The following SLAIN2 variants were observed in gnomAD, a reference collection of about 807,000 sequenced individuals.
SLAIN2 encodes SLAIN family member 2.
Under a neutral mutation model 56.6 loss-of-function variants are expected in SLAIN2, and 31 were observed. The ratio of observed to expected loss-of-function variants is 0.55; its 90% CI spans 0.41 to 0.74. SLAIN2 has a LOEUF of 0.74. Ranked by LOEUF, SLAIN2 falls within the 30% of genes least tolerant of loss-of-function variation. SLAIN2 has a pLI of 0.00. For missense variants in SLAIN2, 777 were observed against 754.2 expected, an observed-to-expected ratio of 1.03 and a Z score of -0.35; for synonymous variants, 317 against 284.9, an observed-to-expected ratio of 1.11 and a Z score of -1.13.
intron 5 of SLAIN2, 82 bp downstream of exon 5, chr4:48,383,009 A>G: frequency 2.1e-6 from 3 of 1,412,602 alleles, no homozygotes; most frequent in Non-Finnish European, 2.8e-6. Flanking sequence ...TAGGAAAAAA[A>G]TTTTCAAAAT....
intron 6 of SLAIN2, among the ~76,000 whole-genome samples, chr4:48,406,269 A>G (rs1190204714): frequency 2.6e-5 from 4 of 152,202 alleles, no homozygotes; most frequent in Non-Finnish European, 5.9e-5. Context: ...TTTAGTTACT[A>G]GAGCTAGGAA....
chr4:48,405,638 T>C (rs1716674006), intron 6 of SLAIN2, among the ~76,000 whole-genome samples: 1 of 152,154 alleles, frequency 6.6e-6, no homozygotes, highest in African/African-American at 2.4e-5. Flanking sequence ...GTAGTAGTGC[T>C]TCTTTATCCA....
rs746584530 is a variant in SLAIN2, at chr4:48,378,039, C to T, written c.682C>T (p.Leu228Phe). The T allele has an allele frequency of 8.6e-5, 138 of 1,612,782 alleles. No homozygotes were observed. Among genetic ancestry groups the T allele is most frequent in the Non-Finnish European group, 1.1e-4 (131 of 1,179,632 alleles). The change falls in exon 3 of 8, where the codon CTT (leucine) becomes TTT (phenylalanine). Residue 228 changes from leucine (L) to phenylalanine (F), a missense_variant. Leu to Phe is a conservative substitution (Grantham distance 22, BLOSUM62 0). Coordinates refer to ENST00000264313, the MANE Select transcript of SLAIN2 (RefSeq NM_020846.2). ...AGTGCGACCTCCTATAGTCAAACAG[C>T]TTATACTTCCTGGAAATTCAGGTAA... is the stretch of plus-strand genomic sequence containing the variant. ...TPVRPPIVKQ[L>F]ILPGNSGNLK...
chr4:48,360,345 A>G (rs996436356), intron 1 of SLAIN2, among the ~76,000 whole-genome samples: 3 of 152,016 alleles, frequency 2.0e-5, no homozygotes, highest in Admixed American at 1.3e-4. Context: ...TAATCCCAGC[A>G]CTTTGGGAGG....
intron 6 of SLAIN2, among the ~76,000 whole-genome samples, chr4:48,403,636 C>T (rs1036416508): frequency 5.3e-5 from 8 of 152,158 alleles, no homozygotes; most frequent in South Asian, 4.1e-4. Flanking sequence ...CAGTCTCCAG[C>T]CTGCTACCAC....
At chr4:48,358,124 C>T (rs1371786528) in intron 1 of SLAIN2, among the ~76,000 whole-genome samples, 2 of 152,178 alleles carry the variant, frequency 1.3e-5, no homozygotes, top group Non-Finnish European at 2.9e-5. Flanking sequence ...ATAGCTGTGC[C>T]ACCTTGGACA....
chr4:48,397,208 A>G (rs781039586), intron 6 of SLAIN2, among the ~76,000 whole-genome samples: 1 of 152,206 alleles, frequency 6.6e-6, no homozygotes, highest in Non-Finnish European at 1.5e-5. Context: ...ATAACAGGAT[A>G]TTAATTCCTT....
In SLAIN2 at chr4:48,382,572, C is replaced by G; in HGVS notation, c.867C>G (p.Leu289=). 6.4e-7 allele frequency: 1 copy of G among 1,560,560 alleles called. No homozygotes were observed. The highest frequency in any genetic ancestry group is 8.7e-7 in the Non-Finnish European group (1 of 1,144,744). The change falls in exon 5 of 8, where the codon CTC becomes CTG. Residue 289 remains leucine, a synonymous_variant. Coordinates refer to ENST00000264313, the MANE Select transcript of SLAIN2 (RefSeq NM_020846.2). ...QILARMQEES[L]RQEYAATTSR... Reference sequence around the variant, plus strand: ...AATAACATTCATTGTTGCCAGGTCTCCGGCAAGAATATGCAGCCACCACGT... The same window carrying G: ...AATAACATTCATTGTTGCCAGGTCTGCGGCAAGAATATGCAGCCACCACGT...
intron 6 of SLAIN2, among the ~76,000 whole-genome samples, chr4:48,399,987 G>T (rs1716505161): frequency 6.6e-6 from 1 of 152,062 alleles, no homozygotes; most frequent in Non-Finnish European, 1.5e-5. Context: ...TCTTTGCTAG[G>T]TTTTGGTATC....
intron 2 of SLAIN2, 126 bp downstream of exon 2, chr4:48,370,123 C>A: frequency 4.4e-6 from 4 of 911,804 alleles, no homozygotes; most frequent in Non-Finnish European, 6.4e-6. Context: ...TTGTTCATAT[C>A]ATCATGAGAG....
At chr4:48,418,403 C>G (rs149825607) in intron 6 of SLAIN2, among the ~76,000 whole-genome samples, 4 of 151,666 alleles carry the variant, frequency 2.6e-5, no homozygotes, top group African/African-American at 4.8e-5. Flanking sequence ...TTTTTGAGTC[C>G]GCTGTTACAA....
rs1714713072 is a variant in SLAIN2, at chr4:48,341,911, T to G, written c.172T>G (p.Ser58Ala). ...GGTTCGGGCCGGCGCGTCCATTCCC[T>G]CCTCCGGCGCGGCGTCTCCTCGGGG... ...SPVRAGASIP[S>A]SGAASPRGFP... Residue 58 changes from serine to alanine, a missense_variant, in exon 1 of 8, where the codon TCC becomes GCC. Coordinates refer to ENST00000264313, the MANE Select transcript of SLAIN2 (RefSeq NM_020846.2). The G allele has an allele frequency of 8.6e-6, 13 of 1,507,010 alleles. No individual in the cohort carries two copies. The highest frequency in any genetic ancestry group is 1.5e-5 in the African/African-American group (1 of 68,444). The allele number at this position is 1,507,010 out of a possible 1,614,324, so 93.4% of individuals were successfully genotyped here.
intron 1 of SLAIN2, among the ~76,000 whole-genome samples, chr4:48,344,133 C>A (rs1459845718): frequency 6.6e-6 from 1 of 152,128 alleles, no homozygotes; most frequent in East Asian, 1.9e-4. Context: ...CCAGGAGTTT[C>A]TTTTGACCAG....
chr4:48,412,420 CCT>C (rs71191222), intron 6 of SLAIN2, among the ~76,000 whole-genome samples: 82,283 of 136,694 alleles, frequency 0.6, 24,680 homozygotes, highest in South Asian at 0.72. Context: ...ACACACATTC[CCT>C]CTCTCTCTCT....
intron 6 of SLAIN2, among the ~76,000 whole-genome samples, chr4:48,410,230 ATCT>A (rs1264947859): frequency 1.4e-5 from 2 of 147,452 alleles, no homozygotes; most frequent in Non-Finnish European, 3.0e-5. Context: ...CCATTTGTAT[ATCT>A]TCTTTGGAGA....
rs1160842589 is a variant in SLAIN2 at position 48,412,376 on chromosome 4, AC to A, written c.1361-7748del. 2.6e-4 allele frequency among the ~76,000 whole-genome samples: 20 copies of A among 76,152 alleles called. No individual in the cohort carries two copies. The East Asian group carries it at 6.4e-3, about 24-fold the overall frequency. 50.0% of individuals were successfully genotyped at this position (76,152 alleles called of 152,430 possible). On this transcript the variant is annotated intron_variant, in intron 6 of 7. Coordinates refer to ENST00000264313, the MANE Select transcript of SLAIN2 (RefSeq NM_020846.2). ...TATGTTTGTATATGTACACACACAC[AC>A]ACACACACACACACACACACACACA...
At chr4:48,371,029 T>C (rs1715648264) in intron 2 of SLAIN2, among the ~76,000 whole-genome samples, 1 of 152,152 alleles carries the variant, frequency 6.6e-6, no homozygotes, top group African/African-American at 2.4e-5. Context: ...GTTCTGAATC[T>C]GGGTCAGTTT....
intron 1 of SLAIN2, among the ~76,000 whole-genome samples, chr4:48,346,295 C>A (rs185333358): frequency 6.6e-6 from 1 of 152,106 alleles, no homozygotes; most frequent in East Asian, 1.9e-4. Context: ...TGATCCTGCC[C>A]GTGTTCACCA....
At chr4:48,366,173 C>G (rs1715514882) in intron 1 of SLAIN2, among the ~76,000 whole-genome samples, 1 of 152,146 alleles carries the variant, frequency 6.6e-6, no homozygotes, top group African/African-American at 2.4e-5. Flanking sequence ...GGTCAGAAAC[C>G]ATACATTAAA....
Sources: gnomAD v4.1 joint callset for allele counts (sites outside exome capture counted in the v4.1 genomes callset) on GRCh38, gnomAD v4.1.1 for gene constraint, MANE v1.5 for transcripts, NCBI Gene and HGNC (gene_info 2026-07-23, HGNC 2026-07-21) for gene names.